Variants in TMEM14B observed in about 807,000 individuals in gnomAD.
TMEM14B encodes transmembrane protein 14B.
In TMEM14B, 9 loss-of-function variants were observed where a neutral mutation model predicts 14.8. That is an observed-to-expected ratio of 0.61 (90% CI 0.37 to 1.06). TMEM14B has a LOEUF of 1.06. Among genes scored for constraint, TMEM14B ranks in the 50% least tolerant of loss-of-function variants. The pLI is 0.01. For synonymous variants in TMEM14B, 40 were observed against 51.3 expected, an observed-to-expected ratio of 0.78 and a Z score of 0.94; for missense variants, 128 against 143.6, an observed-to-expected ratio of 0.89 and a Z score of 0.56.
At chr6:10,757,464 T>G (rs1771845461), downstream of TMEM14B, among the ~76,000 whole-genome samples, 1 of 152,112 alleles carries the variant, frequency 6.6e-6, no homozygotes, top group African/African-American at 2.4e-5. Flanking sequence ...ATTTCTAAGA[T>G]TTAGGACTGT....
chr6:10,753,582 C>T (rs1341606007), intron 4 of TMEM14B, among the ~76,000 whole-genome samples: 3 of 151,812 alleles, frequency 2.0e-5, no homozygotes, highest in Non-Finnish European at 2.9e-5. Flanking sequence ...TAATTTCCAC[C>T]GATACACAAA....
chr6:10,749,093 T>C, intron 1 of TMEM14B, 109 bp from the exon 2 acceptor site: 1 of 692,546 alleles, frequency 1.4e-6, no homozygotes, highest in Non-Finnish European at 2.6e-6. Flanking sequence ...CATGGTACAG[T>C]GAAGGATACT....
downstream of TMEM14B, among the ~76,000 whole-genome samples, chr6:10,758,742 T>A (rs916975245): frequency 6.6e-6 from 1 of 152,122 alleles, no homozygotes; most frequent in Non-Finnish European, 1.5e-5. Flanking sequence ...CTGAGTCTTG[T>A]CAGTTGATGC....
intron 1 of TMEM14B, among the ~76,000 whole-genome samples, chr6:10,748,369 C>T (rs1165339997): frequency 6.6e-6 from 1 of 152,014 alleles, no homozygotes; most frequent in Non-Finnish European, 1.5e-5. Flanking sequence ...CCTCAGCCTC[C>T]CAAGTAGCTG....
At position 10,755,563 on chromosome 6, in the gene TMEM14B, G is replaced by C. The variant is rs573171156; in HGVS notation, c.293+331G>C. 126 of 1,285,564 alleles carry C rather than the reference G, an allele frequency of 9.8e-5. No homozygotes were observed. In the African/African-American group the frequency reaches 1.7e-3, roughly 17 times the overall value. 79.6% of individuals were successfully genotyped at this position (1,285,564 alleles called of 1,614,324 possible). ...GGGTCCCATATTTCTTAGGTGTGTA[G>C]GTGTCTTTTGTAGAAAATTTTGCTA... is the stretch of plus-strand genomic sequence containing the variant. On this transcript the variant is annotated intron_variant, in intron 5 of 5. Transcript: ENST00000379542.
intron 3 of TMEM14B, 62 bp from the exon 4 acceptor site, chr6:10,751,071 G>A (rs972169255): frequency 1.2e-6 from 2 of 1,600,524 alleles, no homozygotes; most frequent in African/African-American, 1.3e-5. Flanking sequence ...GAGGTCTGGT[G>A]GATTCCGTTA....
chr6:10,756,373 A>G, intron 5 of TMEM14B, 94 bp from the exon 6 acceptor site: 2 of 1,432,464 alleles, frequency 1.4e-6, no homozygotes, highest in Non-Finnish European at 1.9e-6. Context: ...TCCCCCACAC[A>G]GTTGTGAGGA....
chr6:10,755,163 T>C lies in TMEM14B; in HGVS notation c.224T>C (p.Val75Ala). ...GFLAATSVTF[V>A]GVMGMRSYYY... ...TCAGCCGCTACATCTGTTACTTTTGTTGGTGTTATGGGAATGAGATCCTAC... is the reference window on the plus strand; with the variant it reads ...TCAGCCGCTACATCTGTTACTTTTGCTGGTGTTATGGGAATGAGATCCTAC... Residue 75 changes from valine (V) to alanine (A), a missense_variant, in exon 5 of 6, where the codon GTT becomes GCT. Coordinates refer to ENST00000379542, the MANE Select transcript of TMEM14B (RefSeq NM_030969.5). The C allele has an allele frequency of 6.2e-7, 1 of 1,614,028 alleles. No homozygotes were observed. The highest frequency in any genetic ancestry group is 1.1e-5 in the South Asian group (1 of 91,082).
intron 2 of TMEM14B, 58 bp from the exon 3 acceptor site, chr6:10,749,564 G>T (rs1248549597): frequency 1.9e-6 from 3 of 1,582,666 alleles, no homozygotes; most frequent in African/African-American, 2.7e-5. Flanking sequence ...TGACAATATG[G>T]TTTGTTTTTA....
downstream of TMEM14B, chr6:10,759,641 A>T (rs1057049206): frequency 1.3e-5 from 2 of 152,206 alleles, no homozygotes; most frequent in African/African-American, 2.4e-5. Flanking sequence ...AAAGGGCCAG[A>T]TAGTGAATAT....
downstream of TMEM14B, among the ~76,000 whole-genome samples, chr6:10,758,695 A>C (rs1007852728): frequency 1.1e-4 from 17 of 152,104 alleles, no homozygotes; most frequent in Admixed American, 8.5e-4. Flanking sequence ...CTGTTGAGGG[A>C]GTCAAGGTAG....
chr6:10,749,505 G>T, intron 2 of TMEM14B, 117 bp from the exon 3 acceptor site: 1 of 1,253,796 alleles, frequency 8.0e-7, no homozygotes, highest in South Asian at 1.2e-5. Context: ...GATAGTACCT[G>T]TGGGCACATA....
intron 1 of TMEM14B, among the ~76,000 whole-genome samples, chr6:10,748,671 A>T (rs1771428747): frequency 6.6e-6 from 1 of 152,182 alleles, no homozygotes; most frequent in African/African-American, 2.4e-5. Flanking sequence ...GCAATGTCAC[A>T]TGTGATTCTG....
At position 10,749,186 on chromosome 6, in the gene TMEM14B, G is replaced by A. The variant is rs1294030027; in HGVS notation, c.-44-16G>A. ...CTGTGCTTTTAACCACTGCTGATCC[G>A]GCTTGTTTTCCCCAGATGCAGGCCT... On this transcript the variant is annotated splice_polypyrimidine_tract_variant and intron_variant, in intron 1 of 5. Coordinates refer to ENST00000379542, the MANE Select transcript of TMEM14B (RefSeq NM_030969.5). The A allele has an allele frequency of 5.0e-6, 8 of 1,591,802 alleles. No individual in the cohort carries two copies. Among genetic ancestry groups the A allele is most frequent in the South Asian group, 4.4e-5 (4 of 90,478 alleles).
intron 4 of TMEM14B, among the ~76,000 whole-genome samples, chr6:10,751,644 A>C (rs1459210024): frequency 6.6e-6 from 1 of 152,126 alleles, no homozygotes; most frequent in Non-Finnish European, 1.5e-5. Flanking sequence ...CATTGGCCTC[A>C]GTATCACTAA....
chr6:10,757,957 C>T (rs1327732687), downstream of TMEM14B, among the ~76,000 whole-genome samples: 1 of 151,334 alleles, frequency 6.6e-6, no homozygotes, highest in Admixed American at 6.6e-5. Flanking sequence ...CGCCACTGCA[C>T]TCCAACCTGG....
At chr6:10,755,282 C>A (rs1771761565) in intron 5 of TMEM14B, 50 bp downstream of exon 5, 1 of 1,612,610 alleles carries the variant, frequency 6.2e-7, no homozygotes, top group African/African-American at 1.3e-5. Flanking sequence ...CAGTTTATTG[C>A]CCAGAATACT....
intron 1 of TMEM14B, among the ~76,000 whole-genome samples, chr6:10,748,692 C>G (rs975985459): frequency 9.9e-5 from 15 of 152,128 alleles, no homozygotes; most frequent in Admixed American, 9.2e-4. Context: ...ACTTGAGTTT[C>G]CGTGTATTTT....
chr6:10,756,011 G>A (rs891405874), intron 5 of TMEM14B, among the ~76,000 whole-genome samples: 8 of 152,092 alleles, frequency 5.3e-5, no homozygotes, highest in African/African-American at 1.7e-4. Flanking sequence ...GAAGGCAGGG[G>A]AATTTTTAAA....
Sources: gnomAD v4.1 joint callset for allele counts (sites outside exome capture counted in the v4.1 genomes callset) on GRCh38, gnomAD v4.1.1 for gene constraint, MANE v1.5 for transcripts, NCBI Gene and HGNC (gene_info 2026-07-23, HGNC 2026-07-21) for gene names.